DGKI: variants seen among roughly 807,000 people sequenced by gnomAD.
DGKI encodes DAG kinase iota.
A neutral mutation model predicts 147.5 loss-of-function variants in DGKI; 55 were observed. The ratio of observed to expected loss-of-function variants is 0.37; its 90% confidence interval spans 0.30 to 0.47. The LOEUF is 0.47. Ranked by LOEUF, DGKI falls within the 20% of genes least tolerant of loss-of-function variation. DGKI has a pLI of 1.00. For synonymous variants in DGKI, 469 were observed against 477.1 expected, an observed-to-expected ratio of 0.98 and a Z score of 0.22; for missense variants, 1,007 against 1,323.8, an observed-to-expected ratio of 0.76 and a Z score of 3.71.
chr7:137,382,970 T>C lies in DGKI; in HGVS notation c.*8250A>G, dbSNP rs975296350. The C allele has an allele frequency of 6.6e-6, 1 of 151,960 alleles. No individual in the cohort carries two copies. The highest frequency in any genetic ancestry group is 2.4e-5 in the African/African-American group (1 of 41,406). 9.4% of individuals were successfully genotyped at this position (151,960 alleles called of 1,614,324 possible). A position where few individuals can be genotyped will look rare whatever the true frequency, so the allele number is the denominator to read the frequency against. On this transcript the variant is annotated 3_prime_UTR_variant, in exon 33 of 33. Coordinates refer to ENST00000614521, the MANE Select transcript of DGKI (RefSeq NM_001321708.2). The stretch of plus-strand genomic sequence containing the variant: ...AAATATGACAGAAACATTAGTCTAC[T>C]GATATGGGGTTAAGTCTTGTTTCAT...
At chr7:137,580,499 C>T (rs1213082646) in intron 15 of DGKI, among the ~76,000 whole-genome samples, 1 of 152,066 alleles carries the variant, frequency 6.6e-6, no homozygotes, top group Non-Finnish European at 1.5e-5. Flanking sequence ...TGTGATTTTT[C>T]TGGCCAATCA....
At chr7:137,778,288 G>A (rs575258855) in intron 1 of DGKI, among the ~76,000 whole-genome samples, 2 of 152,276 alleles carry the variant, frequency 1.3e-5, no homozygotes, top group East Asian at 3.9e-4. Flanking sequence ...ACTTTTAAGG[G>A]AAGGGTGTGT....
intron 21 of DGKI, among the ~76,000 whole-genome samples, chr7:137,517,315 GAAAGAAAGAAAGAAAGAAAGAA>G (rs1563063937): frequency 1.4e-4 from 14 of 99,452 alleles, no homozygotes; most frequent in African/African-American, 5.1e-4. Context: ...AAGAAAGAAA[GAAAGAAAGAAAGAAAGAAAGAA>G]AGAGAAAGAA....
chr7:137,586,683 T>G (rs1489675280), intron 13 of DGKI, among the ~76,000 whole-genome samples: 2 of 144,064 alleles, frequency 1.4e-5, no homozygotes, highest in African/African-American at 5.1e-5. Flanking sequence ...AATAAAATGC[T>G]AAAAAAAAAA....
intron 1 of DGKI, among the ~76,000 whole-genome samples, chr7:137,765,716 G>A (rs181052915): frequency 1.5e-3 from 225 of 152,224 alleles, no homozygotes; most frequent in African/African-American, 4.9e-3. Context: ...ATCCCACGTC[G>A]TTTACTAAAC....
chr7:137,793,167 G>A (rs1011586552), intron 1 of DGKI, among the ~76,000 whole-genome samples: 3 of 152,050 alleles, frequency 2.0e-5, no homozygotes, highest in Non-Finnish European at 2.9e-5. Context: ...AAGGAGCAAC[G>A]TTCGTTCCTC....
intron 19 of DGKI, among the ~76,000 whole-genome samples, chr7:137,564,517 C>G (rs1818517192): frequency 6.6e-6 from 1 of 151,958 alleles, no homozygotes; most frequent in South Asian, 2.1e-4. Flanking sequence ...TCTATTTCAA[C>G]AATAAATGAT....
chr7:137,466,991 C>G, intron 24 of DGKI, 49 bp from the exon 25 acceptor site: 1 of 1,585,542 alleles, frequency 6.3e-7, no homozygotes, highest in Non-Finnish European at 8.7e-7. Context: ...TGTAATCTGG[C>G]ACCAAATTTA....
At chr7:137,532,021 C>G (rs1425738167) in intron 20 of DGKI, among the ~76,000 whole-genome samples, 2 of 71,346 alleles carry the variant, frequency 2.8e-5, no homozygotes, top group Non-Finnish European at 5.4e-5. Context: ...CACATTTCAT[C>G]TACAAACCAA....
chr7:137,478,543 C>G (rs1301409642), intron 23 of DGKI, among the ~76,000 whole-genome samples: 1 of 152,218 alleles, frequency 6.6e-6, no homozygotes, highest in Non-Finnish European at 1.5e-5. Flanking sequence ...CTAATCCACA[C>G]AGCTCACATC....
At chr7:137,616,409 T>C (rs538359262) in intron 8 of DGKI, among the ~76,000 whole-genome samples, 8 of 152,290 alleles carry the variant, frequency 5.3e-5, no homozygotes, top group Admixed American at 2.0e-4. Context: ...AAGGCACATG[T>C]TGAATAATGA....
chr7:137,502,834 A>G (rs1467966108), intron 21 of DGKI, among the ~76,000 whole-genome samples: 1 of 152,080 alleles, frequency 6.6e-6, no homozygotes, highest in Non-Finnish European at 1.5e-5. Flanking sequence ...GCACATAAGG[A>G]TGGAGTTTCT....
chr7:137,495,970 C>G (rs1815951204), intron 21 of DGKI, among the ~76,000 whole-genome samples: 1 of 152,012 alleles, frequency 6.6e-6, no homozygotes, highest in African/African-American at 2.4e-5. Context: ...AGCAATCAGG[C>G]AAGAGAAAGA....
chr7:137,438,070 G>A (rs1377769460), intron 28 of DGKI, among the ~76,000 whole-genome samples: 1 of 152,022 alleles, frequency 6.6e-6, no homozygotes, highest in Non-Finnish European at 1.5e-5. Flanking sequence ...AAACATTAAT[G>A]ATTTTACTGC....
chr7:137,792,795 A>G (rs1460770790), intron 1 of DGKI, among the ~76,000 whole-genome samples: 1 of 152,138 alleles, frequency 6.6e-6, no homozygotes, highest in Non-Finnish European at 1.5e-5. Flanking sequence ...TCACCATGTG[A>G]CATGTCTGAT....
At chr7:137,705,986 T>C (rs1174941400) in intron 1 of DGKI, among the ~76,000 whole-genome samples, 1 of 152,136 alleles carries the variant, frequency 6.6e-6, no homozygotes, top group African/African-American at 2.4e-5. Context: ...TTAAGCTAAT[T>C]TTTATTGCAT....
chr7:137,778,186 G>C (rs375232107), intron 1 of DGKI, among the ~76,000 whole-genome samples: 4 of 152,124 alleles, frequency 2.6e-5, no homozygotes, highest in Admixed American at 6.5e-5. Context: ...TTGGTACTTC[G>C]AGCTGACTTT....
At chr7:137,721,953 G>A (rs1285120390) in intron 1 of DGKI, 4 of 1,312,408 alleles carry the variant, frequency 3.0e-6, no homozygotes, top group Non-Finnish European at 4.2e-6. Flanking sequence ...CAGCTTAGAA[G>A]TATAGCATAG....
Position 137,388,092 on chromosome 7 carries a change from T to C in DGKI, c.*3128A>G, listed in dbSNP as rs1445776497. 1.3e-5 allele frequency: 2 copies of C among 152,202 alleles called. No individual in the cohort carries two copies. The highest frequency in any genetic ancestry group is 2.9e-5 in the Non-Finnish European group (2 of 68,040). The allele number at this position is 152,202 out of a possible 1,614,324, so 9.4% of individuals were successfully genotyped here. On this transcript the variant is annotated 3_prime_UTR_variant, in exon 33 of 33. Transcript: ENST00000614521. ...GCCAGCTAAATTATGTTTCAAAACT[T>C]GCACTGGTTTTTGGTTATCACATCT...
Sources: allele counts gnomAD v4.1 joint callset (sites outside exome capture counted in the v4.1 genomes callset), GRCh38; gene constraint gnomAD v4.1.1; transcripts MANE v1.5; gene names NCBI Gene and HGNC (gene_info 2026-07-23, HGNC 2026-07-21).